MTCL1: variants seen among roughly 807,000 people sequenced by gnomAD.
MTCL1 encodes microtubule crosslinking factor 1.
Under a neutral mutation model 141.4 loss-of-function variants are expected in MTCL1, and 79 were observed. The observed-to-expected ratio is 0.56, with a 90% CI of 0.47 to 0.67. The LOEUF is 0.67. Ranked by LOEUF, MTCL1 falls within the 30% of genes least tolerant of loss-of-function variation. The probability of loss-of-function intolerance (pLI) is 0.00; values close to 1 mark genes in which losing one functional copy is unlikely to be tolerated. For synonymous variants in MTCL1, 914 were observed against 875.8 expected, an observed-to-expected ratio of 1.04 and a Z score of -0.77; for missense variants, 2,177 against 2,113.9, an observed-to-expected ratio of 1.03 and a Z score of -0.59.
intron 4 of MTCL1, among the ~76,000 whole-genome samples, chr18:8,761,130 T>G (rs1313522395): frequency 6.6e-6 from 1 of 152,182 alleles, no homozygotes; most frequent in Non-Finnish European, 1.5e-5. Context: ...ATTTTACAGA[T>G]TAAAGGCAGT....
intron 1 of MTCL1, among the ~76,000 whole-genome samples, chr18:8,711,052 T>A (rs11873701): frequency 0.48 from 72,342 of 150,664 alleles, 18,317 homozygotes; most frequent in East Asian, 0.68. Flanking sequence ...CCCCTACTCC[T>A]CGACAGTCCC....
chr18:8,721,771 T>C (rs2096174734), intron 4 of MTCL1, among the ~76,000 whole-genome samples: 1 of 152,228 alleles, frequency 6.6e-6, no homozygotes, highest in Admixed American at 6.5e-5. Context: ...TGTGTTTTCT[T>C]TCTCTGTCTT....
At position 8,776,522 on chromosome 18, in the gene MTCL1, G is replaced by A. The variant is rs191856699; in HGVS notation, c.358-1311G>A. Among the ~76,000 whole-genome samples the A allele has an allele frequency of 2.6e-3, 403 of 152,266 alleles. 6 individuals carry two copies. Among genetic ancestry groups the A allele is most frequent in the Admixed American group, 2.3e-3 (35 of 15,292 alleles). ...ATGTAAAACTAGGCAGGGTTCCCAG[G>A]CACTGAAGGACACAGCCAAGGCCTT... On this transcript the variant is annotated intron_variant, in intron 4 of 16. Transcript: ENST00000359865.
chr18:8,750,302 T>C (rs2096364056), intron 4 of MTCL1, among the ~76,000 whole-genome samples: 1 of 152,222 alleles, frequency 6.6e-6, no homozygotes, highest in Non-Finnish European at 1.5e-5. Context: ...CGCCTCAGCC[T>C]CCCAGAATGC....
At chr18:8,783,692 G>A (rs1452243050) in exon 6 of MTCL1, 3 of 1,609,866 alleles carry the variant, frequency 1.9e-6, no homozygotes, top group Non-Finnish European at 2.5e-6. Flanking sequence ...CCTGCCCACG[G>A]GGGAAGCAGG....
intron 5 of MTCL1, chr18:8,782,221 G>A (rs2096534989): frequency 1.3e-5 from 2 of 152,212 alleles, no homozygotes; most frequent in Non-Finnish European, 2.9e-5. Flanking sequence ...CCACAGAAGG[G>A]GCGACAGGCC....
At chr18:8,775,292 C>T (rs568866271) in intron 4 of MTCL1, among the ~76,000 whole-genome samples, 7 of 151,978 alleles carry the variant, frequency 4.6e-5, no homozygotes, top group African/African-American at 1.4e-4. Flanking sequence ...AACTTCTGGC[C>T]GGGCACGGTG....
rs746440381 is a variant in MTCL1, at chr18:8,793,082, C to T, written c.1972C>T (p.Gln658Ter). 6.2e-7 allele frequency: 1 copy of T among 1,614,094 alleles called. No individual in the cohort carries two copies. The highest frequency in any genetic ancestry group is 8.5e-7 in the Non-Finnish European group (1 of 1,180,008). Residue 658 changes from glutamine to a stop codon, truncating the protein, a stop_gained, in exon 8 of 17, where the codon CAA (glutamine) becomes TAA (stop). Transcript: ENST00000359865. LOFTEE classifies it high-confidence loss of function. ...GCTCGTGCAGGCGGCCAGACTGCAT[C>T]AAGAGGAGACAGAGACATTTACAAA...
chr18:8,786,111 C>CCCCCCCCCCA lies in MTCL1; in HGVS notation c.1887+29_1887+30insACCCCCCCCC. On this transcript the variant is annotated intron_variant, in intron 7 of 16. Transcript: ENST00000359865. ...CTGGAGGTCAGCGTGGGCAAGCAAT[C>CCCCCCCCCCA]CCCCCCCCCCGCCCTCCCCCTCCTT... 10 of 1,128,894 alleles carry CCCCCCCCCCA rather than the reference C, an allele frequency of 8.9e-6. No individual in the cohort carries two copies. The highest frequency in any genetic ancestry group is 7.1e-5 in the African/African-American group (2 of 28,334). The allele number at this position is 1,128,894 out of a possible 1,614,324, so 69.9% of individuals were successfully genotyped here.
chr18:8,729,908 T>G (rs1008338337), intron 4 of MTCL1, among the ~76,000 whole-genome samples: 5 of 152,042 alleles, frequency 3.3e-5, no homozygotes, highest in Non-Finnish European at 2.9e-5. Flanking sequence ...TCCTATGTAT[T>G]TTTTGGAAAG....
chr18:8,708,709 T>C (rs1472196137), intron 1 of MTCL1, among the ~76,000 whole-genome samples: 1 of 152,202 alleles, frequency 6.6e-6, no homozygotes, highest in Non-Finnish European at 1.5e-5. Context: ...TCTGTTTTCT[T>C]TTCAGGTGAG....
In MTCL1 at chr18:8,831,598, G is replaced by T; in HGVS notation, c.*19-9G>T. On this transcript the variant is annotated splice_polypyrimidine_tract_variant and intron_variant, in intron 16 of 16. Coordinates refer to ENST00000359865, the Ensembl canonical transcript of MTCL1. ...TGAGTAACCCTGTCTCCCTTTCTCG[G>T]CTCTGAAGGAACTACCTTGTTCTGC... is the stretch of plus-strand genomic sequence containing the variant. 2.6e-6 allele frequency: 4 copies of T among 1,549,738 alleles called. No homozygotes were observed. Among genetic ancestry groups the T allele is most frequent in the Non-Finnish European group, 3.5e-6 (4 of 1,146,418 alleles).
At chr18:8,721,823 G>A (rs562688354) in intron 4 of MTCL1, among the ~76,000 whole-genome samples, 196 of 152,320 alleles carry the variant, frequency 1.3e-3, no homozygotes, top group Non-Finnish European at 2.0e-3. Flanking sequence ...CGTATCACAA[G>A]CTCTGTGGGG....
At chr18:8,782,612 ACTT>A (rs1273905100) in intron 5 of MTCL1, 6 of 152,108 alleles carry the variant, frequency 3.9e-5, no homozygotes, top group Non-Finnish European at 8.8e-5. Context: ...CTATGAGGAC[ACTT>A]CTTAGGTTTT....
rs771074481 is a variant in MTCL1 at position 8,705,833 on chromosome 18, C to T, written c.173C>T (p.Ala58Val). Reference sequence around the variant, plus strand: ...AAGGACCTGCACGCCCGGCCCGCCGCGCCCGGCCCGGCCGTCCCCTCCTCG... The same window carrying T: ...AAGGACCTGCACGCCCGGCCCGCCGTGCCCGGCCCGGCCGTCCCCTCCTCG... Residue 58 changes from alanine to valine, a missense_variant, in exon 1 of 14, where the codon GCG becomes GTG. Coordinates refer to the MTCL1 transcript ENST00000306329. The surrounding 1 kb of genome is among the most constrained non-coding windows in gnomAD (Gnocchi z 5.2). 1.3e-3 allele frequency: 1,515 copies of T among 1,174,940 alleles called. 1 individual carries two copies. The highest frequency in any genetic ancestry group is 1.2e-3 in the Non-Finnish European group (1,152 of 950,680). 72.8% of individuals were successfully genotyped at this position (1,174,940 alleles called of 1,614,324 possible).
chr18:8,716,569 ATTTTTTTT>A (rs138840096), upstream of MTCL1, among the ~76,000 whole-genome samples: 1 of 103,896 alleles, frequency 9.6e-6, no homozygotes, highest in East Asian at 2.8e-4. Flanking sequence ...CTTTTTGTTC[ATTTTTTTT>A]TTTTTTTTTT....
At chr18:8,724,140 G>A (rs1368581062) in intron 4 of MTCL1, among the ~76,000 whole-genome samples, 2 of 152,136 alleles carry the variant, frequency 1.3e-5, no homozygotes, top group African/African-American at 2.4e-5. Context: ...TTTGTTTTCT[G>A]TTACGTGAAT....
intron 4 of MTCL1, among the ~76,000 whole-genome samples, chr18:8,769,919 G>T (rs2096477880): frequency 6.6e-6 from 1 of 152,222 alleles, no homozygotes; most frequent in South Asian, 2.1e-4. Context: ...GAAATCATCA[G>T]TGCCAACAAA....
At chr18:8,747,890 C>G (rs574808163) in intron 4 of MTCL1, among the ~76,000 whole-genome samples, 1 of 152,164 alleles carries the variant, frequency 6.6e-6, no homozygotes, top group Non-Finnish European at 1.5e-5. Context: ...CTCAGCAGCC[C>G]TGCACAGGCT....
Sources: gnomAD v4.1 joint callset for allele counts (sites outside exome capture counted in the v4.1 genomes callset) on GRCh38, gnomAD v4.1.1 for gene constraint, Gnocchi (gnomAD v3.1) non-coding constraint, MANE v1.5 for transcripts, NCBI Gene and HGNC (gene_info 2026-07-23, HGNC 2026-07-21) for gene names.